The following DHDDS variants were observed in gnomAD, a reference collection of about 807,000 sequenced individuals.
The protein encoded by DHDDS is dehydrodolichyl diphosphate synthase subunit.
DHDDS carries 16 observed loss-of-function variants against 46.2 expected under a neutral mutation model. The observed-to-expected ratio is 0.35, with a 90% CI of 0.23 to 0.53. DHDDS has a LOEUF of 0.53. DHDDS is among the 20% of genes least tolerant of loss of function. The probability of loss-of-function intolerance (pLI) is 0.94; values close to 1 mark genes in which losing one functional copy is unlikely to be tolerated. For missense variants in DHDDS, 340 were observed against 423.7 expected (o/e 0.80, Z 1.73); for synonymous variants, 151 against 163.1 (o/e 0.93, Z 0.56).
intron 5 of DHDDS, 28 bp from the exon 6 acceptor site, chr1:26,447,531 G>A (rs376267529): frequency 1.4e-5 from 22 of 1,582,922 alleles, no homozygotes; most frequent in Non-Finnish European, 1.9e-5. Context: ...TCCCCCTTTG[G>A]TAAATTATTC....
rs964414389 is a variant in DHDDS at position 26,454,590 on chromosome 1, GTT to G, written c.543-3191_543-3190del. 155 of 653,744 alleles carry G rather than the reference GTT, an allele frequency of 2.4e-4. 2 individuals are homozygous for G. The African/African-American group carries it at 2.4e-3, about 10-fold the overall frequency. The allele number at this position is 653,744 out of a possible 1,614,324, so 40.5% of individuals were successfully genotyped here. A position where few individuals can be genotyped will look rare whatever the true frequency, so the allele number is the denominator to read the frequency against. ...AAGGTGGATAGGACAAATGGGCCCT[GTT>G]TTTTTTTTTCCCTTTTAATTACATT... On this transcript the variant is annotated intron_variant, in intron 6 of 8. Coordinates refer to ENST00000236342, the MANE Select transcript of DHDDS (RefSeq NM_205861.3).
At chr1:26,434,246 A>T (rs1207585635) in intron 2 of DHDDS, among the ~76,000 whole-genome samples, 3 of 152,190 alleles carry the variant, frequency 2.0e-5, no homozygotes, top group African/African-American at 7.2e-5. Flanking sequence ...CAGCAATATT[A>T]TATCTGCCTA....
intron 4 of DHDDS, among the ~76,000 whole-genome samples, chr1:26,443,809 A>T (rs1160421049): frequency 6.6e-6 from 1 of 152,176 alleles, no homozygotes; most frequent in East Asian, 1.9e-4. Flanking sequence ...GGAGCCGGGG[A>T]TGGAGGCATG....
chr1:26,447,210 C>A (rs891134027), intron 5 of DHDDS, among the ~76,000 whole-genome samples: 1 of 152,088 alleles, frequency 6.6e-6, no homozygotes, highest in African/African-American at 2.4e-5. Flanking sequence ...ATCCCAGCTA[C>A]TCGGGAGGCT....
chr1:26,436,217 G>A (rs113815415), intron 2 of DHDDS, among the ~76,000 whole-genome samples: 28,994 of 151,868 alleles, frequency 0.19, 3,048 homozygotes, highest in Admixed American at 0.27. Flanking sequence ...GGCCAACATG[G>A]TGAGACCCCC....
In DHDDS at chr1:26,468,901, C is replaced by T. The variant is rs1267608571; in HGVS notation, c.772C>T (p.Arg258Ter). The change falls in exon 9 of 9, where the codon CGA (arginine) becomes TGA (stop). Residue 258 changes from arginine (R) to a stop codon, truncating the protein, a stop_gained. Transcript: ENST00000236342. LOFTEE classifies it high-confidence loss of function. Reference protein sequence around the residue: ...QMNHSVLQKARDMYAEERKRQ... With the variant: ...QMNHSVLQKA ...CCCCACTTTTCTCTAGCAGAAGGCC[C>T]GAGACATGTATGCAGAGGAGCGGAA... is the stretch of plus-strand genomic sequence containing the variant. 6.2e-7 allele frequency: 1 copy of T among 1,613,988 alleles called. No individual in the cohort carries two copies. Among genetic ancestry groups the T allele is most frequent in the Admixed American group, 1.7e-5 (1 of 60,004 alleles).
intron 6 of DHDDS, among the ~76,000 whole-genome samples, chr1:26,451,429 T>C (rs1395693670): frequency 6.6e-6 from 1 of 150,716 alleles, no homozygotes; most frequent in East Asian, 1.9e-4. Flanking sequence ...TGTGTGTGTG[T>C]GTGTGTGTGT....
intron 8 of DHDDS, among the ~76,000 whole-genome samples, chr1:26,468,039 A>G (rs2075510076): frequency 6.6e-6 from 1 of 152,212 alleles, no homozygotes; most frequent in Non-Finnish European, 1.5e-5. Flanking sequence ...ACTTGGGATG[A>G]TAACTGCTGC....
chr1:26,437,913 C>T (rs2075177585), intron 2 of DHDDS, among the ~76,000 whole-genome samples: 1 of 152,058 alleles, frequency 6.6e-6, no homozygotes, highest in Non-Finnish European at 1.5e-5. Context: ...CCCAGGAGGC[C>T]AAGGCTACAG....
At chr1:26,432,657 G>T in intron 1 of DHDDS, 1 of 476,500 alleles carries the variant, frequency 2.1e-6, no homozygotes, top group Non-Finnish European at 3.8e-6. Context: ...TGCAGATACG[G>T]AGGAAATGGG....
intron 8 of DHDDS, among the ~76,000 whole-genome samples, chr1:26,463,090 A>G (rs1157734182): frequency 6.6e-6 from 1 of 152,214 alleles, no homozygotes; most frequent in African/African-American, 2.4e-5. Context: ...AGAGCCTTGT[A>G]GGTCATGGTA....
chr1:26,436,499 C>G (rs979226416), intron 2 of DHDDS, among the ~76,000 whole-genome samples: 2 of 152,064 alleles, frequency 1.3e-5, no homozygotes, highest in African/African-American at 4.8e-5. Flanking sequence ...TCTCGGCTTA[C>G]TGCAAGCTCC....
chr1:26,458,737 CAAAA>C (rs11381495), intron 7 of DHDDS, among the ~76,000 whole-genome samples: 3 of 71,670 alleles, frequency 4.2e-5, no homozygotes, highest in African/African-American at 1.2e-4. Flanking sequence ...GACTCTGTCG[CAAAA>C]AAAAAAAAAA....
At chr1:26,438,128 A>G (rs768968364) in intron 2 of DHDDS, 40 bp from the exon 3 acceptor site, 1 of 1,603,860 alleles carries the variant, frequency 6.2e-7, no homozygotes. Context: ...ATCCCTGAAG[A>G]ATATGAGACC....
chr1:26,450,361 G>A (rs2075308159), intron 6 of DHDDS, among the ~76,000 whole-genome samples: 1 of 152,010 alleles, frequency 6.6e-6, no homozygotes, highest in South Asian at 2.1e-4. Flanking sequence ...TGCCCAGGAT[G>A]GTCTTGAACT....
chr1:26,444,334 T>C (rs1192306189), intron 4 of DHDDS, among the ~76,000 whole-genome samples: 2 of 152,178 alleles, frequency 1.3e-5, no homozygotes, highest in Admixed American at 1.3e-4. Flanking sequence ...ACCTATTTTA[T>C]GTGTTGGGCT....
intron 8 of DHDDS, among the ~76,000 whole-genome samples, chr1:26,467,957 CAGTT>C (rs2075509256): frequency 6.6e-6 from 1 of 152,190 alleles, no homozygotes; most frequent in Non-Finnish European, 1.5e-5. Flanking sequence ...CGTGGTCAGT[CAGTT>C]GAGTGTTTCA....
intron 8 of DHDDS, chr1:26,463,523 T>G (rs79829694): frequency 6.6e-6 from 1 of 152,320 alleles, no homozygotes; most frequent in Admixed American, 6.5e-5. Context: ...TCTTTTTTTT[T>G]GAAATGGAGT....
Position 26,469,372 on chromosome 1 carries a change from C to T in DHDDS, c.*241C>T. 1 of 667,220 alleles carries T rather than the reference C, an allele frequency of 1.5e-6. No individual in the cohort carries two copies. The highest frequency in any genetic ancestry group is 1.9e-5 in the South Asian group (1 of 54,050). 41.3% of individuals were successfully genotyped at this position (667,220 alleles called of 1,614,324 possible). On this transcript the variant is annotated 3_prime_UTR_variant, in exon 9 of 9. Coordinates refer to ENST00000236342, the MANE Select transcript of DHDDS (RefSeq NM_205861.3). ...GTACACTAAACCTAGGTCTGGTCACCAATAGGGTTTGGAGAGCAAAGGGCC... is the reference window on the plus strand; with the variant it reads ...GTACACTAAACCTAGGTCTGGTCACTAATAGGGTTTGGAGAGCAAAGGGCC...
Sources: gnomAD v4.1 joint callset for allele counts (sites outside exome capture counted in the v4.1 genomes callset) on GRCh38, gnomAD v4.1.1 for gene constraint, MANE v1.5 for transcripts, NCBI Gene and HGNC (gene_info 2026-07-23, HGNC 2026-07-21) for gene names.